The following PCDH9 variants were observed in gnomAD, a reference collection of about 807,000 sequenced individuals.
PCDH9 encodes the protein protocadherin-9.
In PCDH9, 24 loss-of-function variants were observed where a neutral mutation model predicts 70.6. The ratio of observed to expected loss-of-function variants is 0.34; its 90% CI spans 0.25 to 0.48. PCDH9 has a LOEUF of 0.48. Among genes scored for constraint, PCDH9 ranks in the 20% least tolerant of loss-of-function variants. The probability of loss-of-function intolerance (pLI) is 0.99; values close to 1 mark genes in which losing one functional copy is unlikely to be tolerated. For synonymous variants in PCDH9, 562 were observed against 558.5 expected, an observed-to-expected ratio of 1.01 and a Z score of -0.09; for missense variants, 1,281 against 1,503.6, an observed-to-expected ratio of 0.85 and a Z score of 2.45.
In PCDH9 at chr13:66,918,035, C is replaced by G. The variant is rs147520878; in HGVS notation, c.3037-14430G>C. Among the ~76,000 whole-genome samples, 148 of 151,268 alleles carry G rather than the reference C, an allele frequency of 9.8e-4. 1 individual carries two copies. Among genetic ancestry groups the G allele is most frequent in the African/African-American group, 3.5e-3 (146 of 41,384 alleles). The stretch of plus-strand genomic sequence containing the variant: ...ATGTTCGAGGATGATTGGTTCCTTC[C>G]CAGGGATTTTGTGAACATTTAAGCT... On this transcript the variant is annotated intron_variant, in intron 2 of 4. Transcript: ENST00000377865.
chr13:66,601,904 A>C (rs2077170011), intron 4 of PCDH9, among the ~76,000 whole-genome samples: 1 of 146,420 alleles, frequency 6.8e-6, no homozygotes, highest in South Asian at 2.2e-4. Context: ...ACATATAATT[A>C]TATACAGTGC....
intron 2 of PCDH9, among the ~76,000 whole-genome samples, chr13:66,908,398 C>T (rs767833586): frequency 2.6e-5 from 4 of 152,148 alleles, no homozygotes; most frequent in Non-Finnish European, 5.9e-5. Context: ...GAGGATAAAA[C>T]TGAGTACTTC....
intron 3 of PCDH9, among the ~76,000 whole-genome samples, chr13:66,719,811 C>T (rs1247397072): frequency 6.6e-6 from 1 of 152,142 alleles, no homozygotes; most frequent in East Asian, 1.9e-4. Flanking sequence ...TATTAGCATA[C>T]TACCTTGAAA....
chr13:66,806,943 A>G (rs1363749139), intron 3 of PCDH9, among the ~76,000 whole-genome samples: 1 of 152,112 alleles, frequency 6.6e-6, no homozygotes, highest in East Asian at 1.9e-4. Context: ...GTCTCTCATC[A>G]CACTTCCCCT....
chr13:66,383,408 C>T (rs1237719143), intron 4 of PCDH9, among the ~76,000 whole-genome samples: 2 of 152,152 alleles, frequency 1.3e-5, no homozygotes, highest in South Asian at 2.1e-4. Flanking sequence ...AACGTATCTC[C>T]TCCTGGGGAA....
intron 2 of PCDH9, among the ~76,000 whole-genome samples, chr13:66,951,626 CA>C (rs2083182487): frequency 6.6e-6 from 1 of 152,248 alleles, no homozygotes; most frequent in African/African-American, 2.4e-5. Flanking sequence ...TCCCAGGGCC[CA>C]TCGCTTCTAA....
intron 2 of PCDH9, among the ~76,000 whole-genome samples, chr13:67,026,880 G>A (rs928678649): frequency 6.6e-6 from 1 of 152,106 alleles, no homozygotes; most frequent in African/African-American, 2.4e-5. Flanking sequence ...CCTCTTCAAG[G>A]AGAACTACCA....
chr13:66,955,434 G>A (rs2083252213), intron 2 of PCDH9, among the ~76,000 whole-genome samples: 1 of 152,104 alleles, frequency 6.6e-6, no homozygotes, highest in Non-Finnish European at 1.5e-5. Flanking sequence ...ACTTTTTAAA[G>A]GTTATCAAGC....
chr13:66,852,329 A>C (rs1034548561), intron 3 of PCDH9, among the ~76,000 whole-genome samples: 1 of 151,982 alleles, frequency 6.6e-6, no homozygotes. Flanking sequence ...TTAGACAAAG[A>C]CTCATTAATC....
chr13:66,721,886 A>C (rs1306241576), intron 3 of PCDH9, among the ~76,000 whole-genome samples: 1 of 152,162 alleles, frequency 6.6e-6, no homozygotes, highest in Admixed American at 6.5e-5. Flanking sequence ...GAAATTCCTC[A>C]TATCTCCCAG....
chr13:66,508,763 A>G (rs1042381392), intron 4 of PCDH9, among the ~76,000 whole-genome samples: 47 of 152,228 alleles, frequency 3.1e-4, no homozygotes, highest in African/African-American at 1.0e-3. Flanking sequence ...GCTGAATAAT[A>G]GATATACTGA....
At chr13:66,309,700 GT>G (rs2138060851) in intron 4 of PCDH9, among the ~76,000 whole-genome samples, 1 of 151,670 alleles carries the variant, frequency 6.6e-6, no homozygotes, top group South Asian at 2.1e-4. Context: ...AATAATATTT[GT>G]TTTTCATTCA....
intron 4 of PCDH9, among the ~76,000 whole-genome samples, chr13:66,496,321 C>T (rs1959116390): frequency 6.6e-6 from 1 of 152,170 alleles, no homozygotes; most frequent in Non-Finnish European, 1.5e-5. Context: ...TCACATACCT[C>T]CAGGTCTGTT....
At chr13:66,797,603 G>A (rs749870685) in intron 3 of PCDH9, among the ~76,000 whole-genome samples, 5 of 152,028 alleles carry the variant, frequency 3.3e-5, no homozygotes, top group African/African-American at 4.8e-5. Context: ...ATGCTATGGC[G>A]AATAAAACAC....
Position 66,335,716 on chromosome 13 carries a change from T to A in PCDH9, c.3341-30688A>T, listed in dbSNP as rs188467693. ...GTGGTAGGCAGGATGAAATATTGTG[T>A]TACTGTGAAATGTGGTTTGACTCTA... On this transcript the variant is annotated intron_variant, in intron 4 of 4. Coordinates refer to ENST00000377865, the MANE Select transcript of PCDH9 (RefSeq NM_203487.3). Among the ~76,000 whole-genome samples, 9 of 152,262 alleles carry A rather than the reference T, an allele frequency of 5.9e-5. No homozygotes were observed. The East Asian group carries it at 1.7e-3, about 29-fold the overall frequency.
At chr13:66,999,196 C>T (rs1264101918) in intron 2 of PCDH9, among the ~76,000 whole-genome samples, 1 of 152,036 alleles carries the variant, frequency 6.6e-6, no homozygotes, top group African/African-American at 2.4e-5. Flanking sequence ...ACTTCAAGGC[C>T]CAGTTAAAAT....
intron 3 of PCDH9, among the ~76,000 whole-genome samples, chr13:66,638,526 G>T (rs951375106): frequency 6.6e-6 from 1 of 152,132 alleles, no homozygotes; most frequent in Non-Finnish European, 1.5e-5. Flanking sequence ...AGTAATTCTG[G>T]ACTCAAAAAC....
At position 66,507,804 on chromosome 13, in the gene PCDH9, T is replaced by C. The variant is rs149203900; in HGVS notation, c.3340+123406A>G. On this transcript the variant is annotated intron_variant, in intron 4 of 4. Coordinates refer to ENST00000377865, the MANE Select transcript of PCDH9 (RefSeq NM_203487.3). ...TGGTGCGATATTGCCTCACTGCAAC[T>C]TCCACCTCCGGGCTTCAAGCAATTC... 7.0e-3 allele frequency among the ~76,000 whole-genome samples: 1,067 copies of C among 152,150 alleles called. 35 individuals are homozygous for C. The East Asian group carries it at 0.092, about 13-fold the overall frequency.
intron 4 of PCDH9, among the ~76,000 whole-genome samples, chr13:66,618,866 C>A (rs1290385149): frequency 6.6e-6 from 1 of 152,068 alleles, no homozygotes; most frequent in Non-Finnish European, 1.5e-5. Context: ...AATGAGATTC[C>A]ATGCAGTACA....
Sources: gnomAD v4.1 joint callset for allele counts (sites outside exome capture counted in the v4.1 genomes callset) on GRCh38, gnomAD v4.1.1 for gene constraint, MANE v1.5 for transcripts, NCBI Gene and HGNC (gene_info 2026-07-23, HGNC 2026-07-21) for gene names.